ANKRD28: variants seen among roughly 807,000 people sequenced by gnomAD.
The protein encoded by ANKRD28 is serine/threonine-protein phosphatase 6 regulatory ankyrin repeat subunit A.
ANKRD28 carries 44 observed loss-of-function variants against 126.5 expected under a neutral mutation model. That is an observed-to-expected ratio of 0.35 (90% CI 0.27 to 0.45). The LOEUF is 0.45. Among genes scored for constraint, ANKRD28 ranks in the 20% least tolerant of loss-of-function variants. The probability of loss-of-function intolerance (pLI) is 1.00; values close to 1 mark genes in which losing one functional copy is unlikely to be tolerated. For missense variants in ANKRD28, 1,110 were observed against 1,316.6 expected, an observed-to-expected ratio of 0.84 and a Z score of 2.43; for synonymous variants, 442 against 468.5, an observed-to-expected ratio of 0.94 and a Z score of 0.73.
intron 3 of ANKRD28, among the ~76,000 whole-genome samples, chr3:15,761,182 C>T (rs1004559584): frequency 9.2e-5 from 14 of 152,130 alleles, no homozygotes; most frequent in African/African-American, 3.1e-4. Flanking sequence ...TTAATGCAAT[C>T]TTACACGACT....
chr3:15,816,293 G>A lies in ANKRD28; in HGVS notation c.28-20987C>T, dbSNP rs985654619. On this transcript the variant is annotated intron_variant, in intron 1 of 27. Coordinates refer to the ANKRD28 transcript ENST00000399451. This position sits in a 1 kb window ranked among gnomAD's most constrained non-coding sequence, Gnocchi z 5.0. ...CTCCACAAATATTTACTCAATAATT[G>A]TTTGTTAATAACTATTTATATGCTA... Among the ~76,000 whole-genome samples the A allele has an allele frequency of 1.3e-5, 2 of 152,128 alleles. No homozygotes were observed. The highest frequency in any genetic ancestry group is 4.8e-5 in the African/African-American group (2 of 41,438).
chr3:15,848,535 C>T (rs913611815), intron 1 of ANKRD28, among the ~76,000 whole-genome samples: 1 of 152,000 alleles, frequency 6.6e-6, no homozygotes, highest in African/African-American at 2.4e-5. Context: ...ATTAGCCAGG[C>T]ATAGTGGTGC....
At position 15,843,985 on chromosome 3, in the gene ANKRD28, G is replaced by A. The variant is rs150499674; in HGVS notation, c.27+15392C>T. Among the ~76,000 whole-genome samples the A allele has an allele frequency of 4.6e-5, 7 of 152,264 alleles. No homozygotes were observed. The highest frequency in any genetic ancestry group is 1.4e-4 in the African/African-American group (6 of 41,538). ...GAGGTTAAGGTGGAAATGCAGGAACGAAAGCTGGGTAGGGTAGGTGATAGT... is the reference window on the plus strand; with the variant it reads ...GAGGTTAAGGTGGAAATGCAGGAACAAAAGCTGGGTAGGGTAGGTGATAGT... On this transcript the variant is annotated intron_variant, in intron 1 of 27. Transcript: ENST00000399451. The surrounding 1 kb of genome is among the most constrained non-coding windows in gnomAD (Gnocchi z 5.2).
At chr3:15,851,639 C>A (rs536015731) in intron 1 of ANKRD28, among the ~76,000 whole-genome samples, 196 of 152,126 alleles carry the variant, frequency 1.3e-3, no homozygotes, top group South Asian at 4.6e-3. Flanking sequence ...TTAAGACAGA[C>A]AATAACGAGT....
chr3:15,722,891 A>G (rs1335506811), intron 7 of ANKRD28, among the ~76,000 whole-genome samples: 2 of 152,102 alleles, frequency 1.3e-5, no homozygotes, highest in East Asian at 3.9e-4. Context: ...TTAAATTTCT[A>G]TTAGCCCTCC....
At chr3:15,825,096 C>T (rs551200860) in intron 1 of ANKRD28, among the ~76,000 whole-genome samples, 1 of 152,314 alleles carries the variant, frequency 6.6e-6, no homozygotes, top group Admixed American at 6.5e-5. Flanking sequence ...TACCAGTACT[C>T]TCCACATCAC....
chr3:15,735,540 C>T lies in ANKRD28; in HGVS notation c.553-43G>A, dbSNP rs549441987. On this transcript the variant is annotated intron_variant, in intron 5 of 27. Coordinates refer to ENST00000683139, the MANE Select transcript of ANKRD28 (RefSeq NM_001349278.2). Reference sequence around the variant, plus strand: ...ACAGTGTCATCAAAATTGTGAAGCACAATTGTCTATGAATGTACATTTCTG... The same window carrying T: ...ACAGTGTCATCAAAATTGTGAAGCATAATTGTCTATGAATGTACATTTCTG... 3 of 1,412,736 alleles carry T rather than the reference C, an allele frequency of 2.1e-6. No individual in the cohort carries two copies. In the African/African-American group the frequency reaches 4.3e-5, roughly 20 times the overall value. The allele number at this position is 1,412,736 out of a possible 1,614,324, so 87.5% of individuals were successfully genotyped here. A position where few individuals can be genotyped will look rare whatever the true frequency, so the allele number is the denominator to read the frequency against.
At chr3:15,708,682 ATTTTT>A (rs572524424) in intron 13 of ANKRD28, among the ~76,000 whole-genome samples, 146 of 152,230 alleles carry the variant, frequency 9.6e-4, no homozygotes, top group African/African-American at 3.2e-3. Flanking sequence ...AGCCAAAGTG[ATTTTT>A]TTATTTTTGT....
At chr3:15,763,289 C>A (rs1352489988) in intron 3 of ANKRD28, among the ~76,000 whole-genome samples, 1 of 152,210 alleles carries the variant, frequency 6.6e-6, no homozygotes, top group African/African-American at 2.4e-5. Flanking sequence ...TAACTTCTAC[C>A]CATCCCCACC....
At position 15,714,604 on chromosome 3, in the gene ANKRD28, G is replaced by C. The variant is rs1291354148; in HGVS notation, c.1049C>G (p.Ser350Cys). The C allele has an allele frequency of 8.8e-6, 14 of 1,597,544 alleles. No individual in the cohort carries two copies. Among genetic ancestry groups the C allele is most frequent in the Non-Finnish European group, 1.1e-5 (13 of 1,175,104 alleles). ...ACTCTGGATAATGGTTTGTGATCGG[G>C]AGAATCTACCGTGGAGAGCAGTCAT... ...LHMTALHGRFSRSQTIIQSGA... is the reference protein window; with the variant it reads ...LHMTALHGRFCRSQTIIQSGA... Residue 350 changes from serine to cysteine, a missense_variant, in exon 9 of 28, where the codon TCC becomes TGC. Transcript: ENST00000683139.
intron 2 of ANKRD28, among the ~76,000 whole-genome samples, chr3:15,767,336 A>G (rs535485475): frequency 6.6e-6 from 1 of 152,316 alleles, no homozygotes; most frequent in East Asian, 1.9e-4. Context: ...AAATACTCAC[A>G]TTGAAACTTA....
chr3:15,851,158 C>G (rs1183720499), intron 1 of ANKRD28, among the ~76,000 whole-genome samples: 1 of 152,108 alleles, frequency 6.6e-6, no homozygotes, highest in East Asian at 1.9e-4. Flanking sequence ...CAAATAAATA[C>G]TTCTCCAAAA....
intron 4 of ANKRD28, among the ~76,000 whole-genome samples, chr3:15,748,589 G>A (rs755681523): frequency 2.6e-5 from 4 of 152,156 alleles, no homozygotes; most frequent in Non-Finnish European, 5.9e-5. Context: ...TTCCTTTATA[G>A]GTTACCTGAT....
chr3:15,791,091 T>C (rs1044525075), intron 2 of ANKRD28, among the ~76,000 whole-genome samples: 5 of 151,898 alleles, frequency 3.3e-5, no homozygotes, highest in Non-Finnish European at 5.9e-5. Flanking sequence ...ATCTCTATAA[T>C]GGAAACAATA....
chr3:15,765,755 A>G, intron 3 of ANKRD28, among the ~76,000 whole-genome samples: 1 of 151,414 alleles, frequency 6.6e-6, no homozygotes, highest in South Asian at 2.1e-4. Flanking sequence ...CAGGATAATC[A>G]CTTGAACCAG....
At chr3:15,850,475 C>T (rs1009239637) in intron 1 of ANKRD28, among the ~76,000 whole-genome samples, 2 of 152,004 alleles carry the variant, frequency 1.3e-5, no homozygotes, top group Non-Finnish European at 2.9e-5. Context: ...ACCTTCTGAA[C>T]ACTAAGGGGA....
chr3:15,670,232 T>G lies in ANKRD28; in HGVS notation c.*38A>C. 1 of 1,597,946 alleles carries G rather than the reference T, an allele frequency of 6.3e-7. No homozygotes were observed. The highest frequency in any genetic ancestry group is 8.6e-7 in the Non-Finnish European group (1 of 1,168,666). ...GCCTTTTTCCTGAAAAAGCACAGTT[T>G]GAAGCTTTACTGTGAGAACTCCCTC... On this transcript the variant is annotated 3_prime_UTR_variant, in exon 28 of 28. Coordinates refer to ENST00000683139, the MANE Select transcript of ANKRD28 (RefSeq NM_001349278.2).
At chr3:15,692,628 A>C (rs1317097007) in intron 17 of ANKRD28, among the ~76,000 whole-genome samples, 2 of 152,242 alleles carry the variant, frequency 1.3e-5, no homozygotes, top group Non-Finnish European at 2.9e-5. Flanking sequence ...TAAGCCTCAG[A>C]TCAGTATGTT....
At position 15,843,318 on chromosome 3, in the gene ANKRD28, T is replaced by C. The variant is rs1369801406; in HGVS notation, c.27+16059A>G. On this transcript the variant is annotated intron_variant, in intron 1 of 27. Coordinates refer to the ANKRD28 transcript ENST00000399451. The surrounding 1 kb of genome is among the most constrained non-coding windows in gnomAD (Gnocchi z 5.2). ...TGAGAAATCTGCCCCCATGATCCAA[T>C]CACCTCTCACCAGACCCCAATCCCA... Among the ~76,000 whole-genome samples, 2 of 152,112 alleles carry C rather than the reference T, an allele frequency of 1.3e-5. No individual in the cohort carries two copies. Among genetic ancestry groups the C allele is most frequent in the African/African-American group, 4.8e-5 (2 of 41,392 alleles).
Sources: allele counts gnomAD v4.1 joint callset (sites outside exome capture counted in the v4.1 genomes callset), GRCh38; gene constraint gnomAD v4.1.1; non-coding constraint Gnocchi (gnomAD v3.1); transcripts MANE v1.5; gene names NCBI Gene and HGNC (gene_info 2026-07-23, HGNC 2026-07-21).